Variants in COG5 observed in about 807,000 individuals in gnomAD.
The protein encoded by COG5 is conserved oligomeric Golgi complex subunit 5.
In COG5, 86 loss-of-function variants were observed where a neutral mutation model predicts 110.4. The observed-to-expected ratio is 0.78, with a 90% CI of 0.65 to 0.93. The LOEUF (loss-of-function observed/expected upper bound fraction) is 0.93, where lower values mean the gene tolerates loss of function less well. COG5 is among the 40% of genes least tolerant of loss of function. The probability of loss-of-function intolerance (pLI) is 0.00; values close to 1 mark genes in which losing one functional copy is unlikely to be tolerated. For missense variants in COG5, 1,077 were observed against 987.0 expected, an observed-to-expected ratio of 1.09 and a Z score of -1.22; for synonymous variants, 360 against 334.6, an observed-to-expected ratio of 1.08 and a Z score of -0.83.
At chr7:107,532,108 G>A (rs1801255817) in intron 5 of COG5, among the ~76,000 whole-genome samples, 1 of 152,146 alleles carries the variant, frequency 6.6e-6, no homozygotes, top group Non-Finnish European at 1.5e-5. Flanking sequence ...CCAGGCTAGA[G>A]TACAATGGCA....
At chr7:107,318,830 G>T (rs1240650988) in intron 11 of COG5, among the ~76,000 whole-genome samples, 1 of 152,182 alleles carries the variant, frequency 6.6e-6, no homozygotes, top group African/African-American at 2.4e-5. Flanking sequence ...TTACACTGGG[G>T]GTTAGGGCTT....
intron 6 of COG5, among the ~76,000 whole-genome samples, chr7:107,434,452 A>G (rs1040543287): frequency 2.4e-4 from 37 of 152,226 alleles, no homozygotes; most frequent in African/African-American, 4.1e-4. Flanking sequence ...AAATGCATAA[A>G]GAAAATGTGG....
intron 8 of COG5, among the ~76,000 whole-genome samples, chr7:107,365,988 A>G (rs916315380): frequency 5.9e-5 from 9 of 152,132 alleles, no homozygotes; most frequent in African/African-American, 1.9e-4. Context: ...CATCAGAAAC[A>G]AAGCAACAAT....
chr7:107,299,826 C>CATATATATAT (rs71856513), intron 11 of COG5, among the ~76,000 whole-genome samples: 1,743 of 102,970 alleles, frequency 0.017, 27 homozygotes, highest in Non-Finnish European at 0.025. Flanking sequence ...TCATAGTTGG[C>CATATATATAT]ATATATATAT....
At chr7:107,242,564 T>G (rs1201317374) in intron 17 of COG5, among the ~76,000 whole-genome samples, 2 of 152,190 alleles carry the variant, frequency 1.3e-5, no homozygotes, top group Non-Finnish European at 2.9e-5. Context: ...GAGAGCCTCT[T>G]TGCCACTGCC....
In COG5 at chr7:107,324,475, T is replaced by C. The variant is rs766011355; in HGVS notation, c.1073A>G (p.Gln358Arg). The change falls in exon 11 of 22, where the codon CAG (glutamine) becomes CGG (arginine). Residue 358 changes from glutamine to arginine, a missense_variant. Gln to Arg is a conservative substitution (Grantham distance 43). Coordinates refer to ENST00000297135, the MANE Select transcript of COG5 (RefSeq NM_006348.5). ...IFYTFWNSVT[Q>R]ALSSQFHMAT... ...CATATGAAATTGAGAAGAAAGTGCC[T>C]GAGTAACTGAATTCCAAAATGTGTA... The C allele has an allele frequency of 1.5e-5, 24 of 1,605,876 alleles. No homozygotes were observed. The highest frequency in any genetic ancestry group is 2.0e-5 in the Non-Finnish European group (23 of 1,175,526).
At chr7:107,530,613 A>AAAAC (rs1801131995) in intron 5 of COG5, among the ~76,000 whole-genome samples, 1 of 150,960 alleles carries the variant, frequency 6.6e-6, no homozygotes, top group Admixed American at 6.6e-5. Context: ...AAAAAAAAAA[A>AAAAC]AAAAAAAAAA....
At chr7:107,421,726 ACT>A (rs1255103717) in intron 6 of COG5, among the ~76,000 whole-genome samples, 5 of 151,674 alleles carry the variant, frequency 3.3e-5, no homozygotes, top group African/African-American at 4.8e-5. Flanking sequence ...AGATTGCGCC[ACT>A]GCACTCCAGC....
At chr7:107,524,133 C>G (rs766509262) in intron 6 of COG5, among the ~76,000 whole-genome samples, 1 of 152,090 alleles carries the variant, frequency 6.6e-6, no homozygotes, top group Non-Finnish European at 1.5e-5. Context: ...ACAACACTGA[C>G]GAATTTCAAA....
At position 107,221,764 on chromosome 7, in the gene COG5, C is replaced by CAA. The variant is rs1165656626; in HGVS notation, c.2168+8849_2168+8850dup. Among the ~76,000 whole-genome samples the CAA allele has an allele frequency of 5.3e-4, 33 of 61,966 alleles. No homozygotes were observed. The East Asian group carries it at 0.013, about 24-fold the overall frequency. 40.7% of individuals were successfully genotyped at this position (61,966 alleles called of 152,430 possible). A position where few individuals can be genotyped will look rare whatever the true frequency, so the allele number is the denominator to read the frequency against. On this transcript the variant is annotated intron_variant, in intron 19 of 21. Coordinates refer to ENST00000297135, the MANE Select transcript of COG5 (RefSeq NM_006348.5). ...TGGGTGACAGAGTGAGACTCCGTCT[C>CAA]AAAAAAAAAAAAAAAAAGAGATGCT...
intron 10 of COG5, among the ~76,000 whole-genome samples, chr7:107,335,764 A>G (rs1810646674): frequency 6.6e-6 from 1 of 152,200 alleles, no homozygotes; most frequent in South Asian, 2.1e-4. Flanking sequence ...AACTGAATGT[A>G]AAGGGATGCA....
At chr7:107,206,333 C>G (rs1034219146) in intron 21 of COG5, among the ~76,000 whole-genome samples, 2 of 152,210 alleles carry the variant, frequency 1.3e-5, no homozygotes, top group Non-Finnish European at 1.5e-5. Context: ...AGCTAACATA[C>G]CACTCTCAAC....
At chr7:107,220,916 C>T (rs1161860826) in intron 19 of COG5, among the ~76,000 whole-genome samples, 3 of 149,630 alleles carry the variant, frequency 2.0e-5, no homozygotes, top group Non-Finnish European at 4.4e-5. Context: ...CTCCCAGGTT[C>T]AAGCGATTCT....
intron 19 of COG5, among the ~76,000 whole-genome samples, chr7:107,223,427 C>T (rs1411663444): frequency 6.6e-6 from 1 of 152,152 alleles, no homozygotes; most frequent in African/African-American, 2.4e-5. Flanking sequence ...TTAAAAATGT[C>T]CCTGTCTCAG....
intron 7 of COG5, among the ~76,000 whole-genome samples, chr7:107,373,148 G>C (rs544691418): frequency 5.9e-5 from 9 of 152,064 alleles, no homozygotes; most frequent in Non-Finnish European, 8.8e-5. Flanking sequence ...TAATTCTGTG[G>C]AGTTGACTGA....
chr7:107,392,815 T>C (rs1790719022), intron 7 of COG5, among the ~76,000 whole-genome samples: 1 of 152,210 alleles, frequency 6.6e-6, no homozygotes, highest in African/African-American at 2.4e-5. Context: ...TTGCCACCAA[T>C]CTGCAGGTCA....
At chr7:107,413,455 A>C (rs1413962698) in intron 6 of COG5, among the ~76,000 whole-genome samples, 2 of 152,018 alleles carry the variant, frequency 1.3e-5, no homozygotes, top group African/African-American at 4.8e-5. Context: ...GGAGGGAGAA[A>C]GGTCTATATT....
Position 107,236,488 on chromosome 7 carries a change from C to G in COG5, c.2053G>C (p.Glu685Gln). Residue 685 changes from glutamate (E) to glutamine (Q), a missense_variant, in exon 18 of 22, where the codon GAA becomes CAA. By Grantham distance (29) the Glu-to-Gln change is conservative. Transcript: ENST00000297135. ...GCAGCAAGTCGCATTTTCCCACCTT[C>G]ACCAAGAGGTCTTATGAGACTGGCA... ...RHASLIRPLG[E>Q]GGKMRLAADF... 3 of 1,614,144 alleles carry G rather than the reference C, an allele frequency of 1.9e-6. No individual in the cohort carries two copies. The highest frequency in any genetic ancestry group is 2.5e-6 in the Non-Finnish European group (3 of 1,180,002).
chr7:107,324,714 T>G (rs538694612), intron 10 of COG5, among the ~76,000 whole-genome samples, 193 bp from the exon 11 acceptor site: 1 of 152,166 alleles, frequency 6.6e-6, no homozygotes, highest in Admixed American at 6.5e-5. Flanking sequence ...TATGTTCAAG[T>G]AGTCAGTCAT....
Sources: allele counts gnomAD v4.1 joint callset (sites outside exome capture counted in the v4.1 genomes callset), GRCh38; gene constraint gnomAD v4.1.1; transcripts MANE v1.5; gene names NCBI Gene and HGNC (gene_info 2026-07-23, HGNC 2026-07-21).